HECW1: variants seen among roughly 807,000 people sequenced by gnomAD.
HECW1 encodes E3 ubiquitin-protein ligase HECW1.
In HECW1, 61 loss-of-function variants were observed where a neutral mutation model predicts 182.3. The ratio of observed to expected loss-of-function variants is 0.33; its 90% CI spans 0.27 to 0.41. HECW1 has a LOEUF of 0.41. HECW1 is among the 10% of genes least tolerant of loss of function. HECW1 has a pLI of 1.00. For synonymous variants in HECW1, 859 were observed against 832.6 expected (o/e 1.03, Z -0.55); for missense variants, 1,739 against 2,108.9 (o/e 0.82, Z 3.44).
chr7:43,469,208 A>C, intron 16 of HECW1, 103 bp downstream of exon 16: 1 of 1,253,368 alleles, frequency 8.0e-7, no homozygotes, highest in Non-Finnish European at 1.1e-6. Context: ...GTTATGTCTG[A>C]GAGATGTGCT....
chr7:43,247,092 T>C (rs11982304), intron 3 of HECW1, among the ~76,000 whole-genome samples: 17,824 of 152,196 alleles, frequency 0.12, 1,780 homozygotes, highest in African/African-American at 0.27. Context: ...CAGCTCCATG[T>C]CTGCTATACT....
chr7:43,295,599 G>A (rs1223752894), intron 3 of HECW1, among the ~76,000 whole-genome samples: 2 of 152,180 alleles, frequency 1.3e-5, no homozygotes, highest in Non-Finnish European at 2.9e-5. Context: ...AAGACCAGAG[G>A]GCAGGGAGGC....
At chr7:43,501,190 T>C (rs1362738162) in intron 20 of HECW1, 23 bp from the exon 21 acceptor site, 4 of 1,083,314 alleles carry the variant, frequency 3.7e-6, no homozygotes, top group Admixed American at 5.6e-5. Context: ...TTTCTTTTTT[T>C]TTTTTTTTTT....
intron 16 of HECW1, among the ~76,000 whole-genome samples, chr7:43,477,375 A>T (rs868026353): frequency 2.0e-5 from 3 of 152,348 alleles, no homozygotes; most frequent in African/African-American, 4.8e-5. Context: ...AACCTATTTA[A>T]TTTAATTTCT....
At position 43,501,303 on chromosome 7, in the gene HECW1, T is replaced by G; in HGVS notation, c.3612T>G (p.Ser1204=). The change falls in exon 21 of 30, where the codon TCT becomes TCG. Residue 1204 remains serine, a synonymous_variant. Transcript: ENST00000395891. The part of the protein sequence containing the change: ...YSFSPRCSPC[S]SPQNSPGLQR... ...TCTCTCCCCGATGTTCACCCTGTTC[T>G]TCACCTCAGAACTCCCCAGGTAACA... 1.9e-6 allele frequency: 3 copies of G among 1,606,260 alleles called. No homozygotes were observed. Among genetic ancestry groups the G allele is most frequent in the Non-Finnish European group, 2.6e-6 (3 of 1,173,240 alleles).
chr7:43,188,278 A>G (rs898321548), intron 2 of HECW1, among the ~76,000 whole-genome samples: 4 of 152,206 alleles, frequency 2.6e-5, no homozygotes, highest in African/African-American at 9.6e-5. Flanking sequence ...ACAGATTTAG[A>G]TTGAGGTTTT....
chr7:43,431,865 T>A (rs1584887513), intron 8 of HECW1, among the ~76,000 whole-genome samples: 1 of 142,840 alleles, frequency 7.0e-6, no homozygotes, highest in Admixed American at 7.2e-5. Context: ...CCCTTCTTCA[T>A]CCCACCGACA....
intron 4 of HECW1, among the ~76,000 whole-genome samples, chr7:43,318,865 G>A (rs1809671617): frequency 6.6e-6 from 1 of 152,188 alleles, no homozygotes; most frequent in Non-Finnish European, 1.5e-5. Context: ...GGTGGATTTG[G>A]ACTCTCAAAA....
intron 6 of HECW1, among the ~76,000 whole-genome samples, chr7:43,392,808 C>A (rs1371194753): frequency 2.6e-5 from 4 of 152,158 alleles, no homozygotes; most frequent in African/African-American, 4.8e-5. Flanking sequence ...GCCGAGGGAG[C>A]CCTGTCAACT....
intron 3 of HECW1, among the ~76,000 whole-genome samples, chr7:43,270,008 A>C (rs1380377265): frequency 6.6e-6 from 1 of 152,202 alleles, no homozygotes; most frequent in Non-Finnish European, 1.5e-5. Flanking sequence ...TCATCTCTGA[A>C]ATAGGAATGT....
chr7:43,180,259 G>C (rs905280514), intron 2 of HECW1, among the ~76,000 whole-genome samples: 8 of 152,212 alleles, frequency 5.3e-5, no homozygotes, highest in African/African-American at 1.9e-4. Flanking sequence ...GGGACAAGCT[G>C]TGTAGGTAGA....
intron 2 of HECW1, among the ~76,000 whole-genome samples, chr7:43,225,696 T>C (rs1395037044): frequency 6.6e-6 from 1 of 152,212 alleles, no homozygotes; most frequent in East Asian, 1.9e-4. Context: ...CAAAAAATTA[T>C]TAAAAACCAT....
chr7:43,211,536 G>A (rs890631400), intron 2 of HECW1, among the ~76,000 whole-genome samples: 3 of 152,084 alleles, frequency 2.0e-5, no homozygotes, highest in African/African-American at 7.2e-5. Flanking sequence ...GATTCCCAGG[G>A]GTGAAAGACT....
chr7:43,274,573 C>T, intron 3 of HECW1: 1 of 500,378 alleles, frequency 2.0e-6, no homozygotes, highest in South Asian at 1.7e-5. Context: ...GGCCCAACAT[C>T]TTCTTTTAGG....
intron 6 of HECW1, among the ~76,000 whole-genome samples, chr7:43,395,625 T>C (rs2075201564): frequency 6.6e-6 from 1 of 152,224 alleles, no homozygotes; most frequent in Admixed American, 6.5e-5. Context: ...CTCCCTCTGC[T>C]GAACAGCCCA....
intron 2 of HECW1, among the ~76,000 whole-genome samples, chr7:43,179,550 T>A (rs1470579028): frequency 5.2e-5 from 7 of 134,798 alleles, no homozygotes; most frequent in African/African-American, 2.2e-4. Context: ...GTATATTTGC[T>A]AAGTTTGTTG....
At chr7:43,253,290 A>G (rs2152727603) in intron 3 of HECW1, among the ~76,000 whole-genome samples, 1 of 152,296 alleles carries the variant, frequency 6.6e-6, no homozygotes, top group African/African-American at 2.4e-5. Context: ...AAGGGAAGGA[A>G]GAGTCCTGCC....
chr7:43,551,510 G>A (rs751776546), intron 27 of HECW1, among the ~76,000 whole-genome samples: 5 of 151,956 alleles, frequency 3.3e-5, no homozygotes, highest in Non-Finnish European at 7.4e-5. Flanking sequence ...AAGTGAAATA[G>A]TAATACTAAT....
chr7:43,188,988 A>C (rs1464718876), intron 2 of HECW1, among the ~76,000 whole-genome samples: 1 of 152,194 alleles, frequency 6.6e-6, no homozygotes, highest in African/African-American at 2.4e-5. Flanking sequence ...TTCCCTCTGC[A>C]ATACATCCTG....
Sources: allele counts gnomAD v4.1 joint callset (sites outside exome capture counted in the v4.1 genomes callset), GRCh38; gene constraint gnomAD v4.1.1; transcripts MANE v1.5; gene names NCBI Gene and HGNC (gene_info 2026-07-23, HGNC 2026-07-21).